Variants in TSEN2 observed in about 807,000 individuals in gnomAD.
TSEN2 encodes tRNA splicing endonuclease subunit 2.
In TSEN2, 54 loss-of-function variants were observed where a neutral mutation model predicts 59.2. The ratio of observed to expected loss-of-function variants is 0.91; its 90% confidence interval spans 0.73 to 1.14. The LOEUF is 1.14. TSEN2 is among the 50% of genes most tolerant of loss of function. The probability of loss-of-function intolerance (pLI) is 0.00; values close to 1 mark genes in which losing one functional copy is unlikely to be tolerated. For synonymous variants in TSEN2, 195 were observed against 198.2 expected (o/e 0.98, Z 0.14); for missense variants, 636 against 576.2 (o/e 1.10, Z -1.06).
chr3:12,502,093 A>G (rs1463324034), intron 4 of TSEN2, among the ~76,000 whole-genome samples: 6 of 152,380 alleles, frequency 3.9e-5, no homozygotes, highest in Middle Eastern at 3.4e-3. Context: ...ATGAATCTAC[A>G]TAAGCCAAAT....
At chr3:12,538,801 G>C (rs1409799133) in intron 10 of TSEN2, 1 of 162,470 alleles carries the variant, frequency 6.2e-6, no homozygotes, top group Admixed American at 6.2e-5. Context: ...TTTCTTTACA[G>C]TTTCTCATCC....
At chr3:12,533,876 C>T (rs764659790), downstream of TSEN2, among the ~76,000 whole-genome samples, 2 of 151,796 alleles carry the variant, frequency 1.3e-5, no homozygotes, top group African/African-American at 4.8e-5. Context: ...TTTTGCAAAC[C>T]GTGATAGCAA....
chr3:12,510,847 T>C (rs2055372623), intron 6 of TSEN2, among the ~76,000 whole-genome samples: 1 of 152,214 alleles, frequency 6.6e-6, no homozygotes, highest in Non-Finnish European at 1.5e-5. Context: ...AGACTTCAAC[T>C]GTGAGACAGT....
At chr3:12,537,315 C>T (rs2125278288), downstream of TSEN2, among the ~76,000 whole-genome samples, 1 of 151,730 alleles carries the variant, frequency 6.6e-6, no homozygotes, top group Non-Finnish European at 1.5e-5. Flanking sequence ...GGGAGAATTG[C>T]CTGAGCCCAG....
At chr3:12,498,896 T>C (rs77289447) in intron 4 of TSEN2, among the ~76,000 whole-genome samples, 1 of 152,314 alleles carries the variant, frequency 6.6e-6, no homozygotes, top group Non-Finnish European at 1.5e-5. Context: ...ATTTTTAGAT[T>C]AATTTTTCAA....
intron 10 of TSEN2, chr3:12,530,403 G>T: frequency 1.0e-6 from 1 of 985,622 alleles, no homozygotes; most frequent in East Asian, 1.1e-4. Context: ...TGCATACTCG[G>T]GATCCAAACC....
At chr3:12,485,003 T>G (rs1167037928) in intron 1 of TSEN2, 123 bp downstream of exon 1, 1 of 152,290 alleles carries the variant, frequency 6.6e-6, no homozygotes, top group Non-Finnish European at 1.5e-5. Context: ...AAACGCCTTC[T>G]GCAAAATTAT....
At chr3:12,480,830 G>A (rs757247297), upstream of TSEN2, among the ~76,000 whole-genome samples, 19 of 152,144 alleles carry the variant, frequency 1.2e-4, no homozygotes, top group Admixed American at 9.2e-4. Flanking sequence ...CACCGCGCCC[G>A]GCCTGTCATG....
At chr3:12,505,552 G>A in intron 6 of TSEN2, 1 of 291,590 alleles carries the variant, frequency 3.4e-6, no homozygotes, top group South Asian at 3.6e-5. Flanking sequence ...ACTTTGGGAG[G>A]CCAAGGCAGG....
intron 6 of TSEN2, among the ~76,000 whole-genome samples, chr3:12,510,218 G>A (rs2055288592): frequency 6.6e-6 from 1 of 152,214 alleles, no homozygotes; most frequent in South Asian, 2.1e-4. Context: ...TTGGGTCGGA[G>A]TCCCATCCTG....
upstream of TSEN2, among the ~76,000 whole-genome samples, chr3:12,482,191 G>A (rs1372279019): frequency 2.0e-5 from 3 of 152,126 alleles, no homozygotes; most frequent in East Asian, 1.9e-4. Context: ...GTGCAATCCC[G>A]ACTCACCACA....
At chr3:12,526,069 C>T (rs946943071) in intron 8 of TSEN2, among the ~76,000 whole-genome samples, 19 of 151,814 alleles carry the variant, frequency 1.3e-4, no homozygotes, top group African/African-American at 4.6e-4. Context: ...CCAGGCATGG[C>T]GGCTCACACC....
chr3:12,502,720 T>A (rs1575304208), intron 4 of TSEN2, among the ~76,000 whole-genome samples: 1 of 141,938 alleles, frequency 7.0e-6, no homozygotes, highest in African/African-American at 2.6e-5. Context: ...GCAAATAAAA[T>A]GAAACTATAT....
chr3:12,536,928 G>A (rs1424456133), downstream of TSEN2, among the ~76,000 whole-genome samples: 1 of 151,904 alleles, frequency 6.6e-6, no homozygotes, highest in Non-Finnish European at 1.5e-5. Flanking sequence ...ACTTGAACCC[G>A]GGAGGTGGGA....
chr3:12,487,155 G>A (rs78000369), intron 1 of TSEN2, among the ~76,000 whole-genome samples: 4 of 152,200 alleles, frequency 2.6e-5, no homozygotes, highest in Non-Finnish European at 4.4e-5. Context: ...ACTGGGCTTA[G>A]AGAAAGTGGG....
chr3:12,529,215 C>T (rs961422963), intron 9 of TSEN2, among the ~76,000 whole-genome samples: 19 of 152,058 alleles, frequency 1.2e-4, no homozygotes, highest in Admixed American at 1.0e-3. Flanking sequence ...GCCTGTAATC[C>T]CAGCACTTTG....
chr3:12,502,548 C>G (rs975723139), intron 4 of TSEN2, among the ~76,000 whole-genome samples: 2 of 150,170 alleles, frequency 1.3e-5, no homozygotes, highest in Admixed American at 6.6e-5. Flanking sequence ...AAAATAACAA[C>G]AATAATACAA....
At chr3:12,485,234 G>C (rs1314643653) in intron 1 of TSEN2, among the ~76,000 whole-genome samples, 1 of 152,124 alleles carries the variant, frequency 6.6e-6, no homozygotes, top group Admixed American at 6.5e-5. Flanking sequence ...AGGTTTGTTT[G>C]GCACCTAGTC....
chr3:12,524,757 T>TC (rs1002995741), intron 8 of TSEN2, among the ~76,000 whole-genome samples: 13 of 150,800 alleles, frequency 8.6e-5, no homozygotes, highest in African/African-American at 3.2e-4. Flanking sequence ...TTTTTTTTTT[T>TC]CTTGAAACAG....
Sources: allele counts gnomAD v4.1 joint callset (sites outside exome capture counted in the v4.1 genomes callset), GRCh38; gene constraint gnomAD v4.1.1; transcripts MANE v1.5; gene names NCBI Gene and HGNC (gene_info 2026-07-23, HGNC 2026-07-21).